The following CELF2 variants were observed in gnomAD, a reference collection of about 807,000 sequenced individuals.
The protein encoded by CELF2 is CUG triplet repeat RNA-binding protein 2.
CELF2 carries 8 observed loss-of-function variants against 62.6 expected under a neutral mutation model. That is an observed-to-expected ratio of 0.13 (90% confidence interval 0.07 to 0.23). The LOEUF (loss-of-function observed/expected upper bound fraction) is 0.23. Among genes scored for constraint, CELF2 ranks in the 10% least tolerant of loss-of-function variants. The probability of loss-of-function intolerance (pLI) is 1.00; values close to 1 mark genes in which losing one functional copy is unlikely to be tolerated. For synonymous variants in CELF2, 258 were observed against 250.0 expected (o/e 1.03, Z -0.30); for missense variants, 333 against 671.0 (o/e 0.50, Z 5.56).
At chr10:11,289,150 G>A (rs1477826713) in intron 9 of CELF2, among the ~76,000 whole-genome samples, 2 of 152,100 alleles carry the variant, frequency 1.3e-5, no homozygotes, top group African/African-American at 2.4e-5. Context: ...GAATGTGGTT[G>A]CTTAGATACC....
At chr10:10,480,419 C>G in the CELF2 span, among the ~76,000 whole-genome samples, 3 of 152,198 alleles carry the variant, frequency 2.0e-5, no homozygotes, top group African/African-American at 7.2e-5. Context: ...AGCCCAAGCT[C>G]TCCTGACCCA....
intron 1 of CELF2, among the ~76,000 whole-genome samples, chr10:10,805,445 G>A (rs1426363226): frequency 6.6e-6 from 1 of 152,024 alleles, no homozygotes; most frequent in African/African-American, 2.4e-5. Context: ...ACTCAGTTAC[G>A]ACTCAGTACT....
At chr10:10,848,701 A>AGG (rs1443854145) in intron 1 of CELF2, among the ~76,000 whole-genome samples, 1 of 152,112 alleles carries the variant, frequency 6.6e-6, no homozygotes, top group Non-Finnish European at 1.5e-5. Flanking sequence ...TCTTTCTCCT[A>AGG]GGCCAGCGTG....
chr10:10,721,008 A>G, the CELF2 span, among the ~76,000 whole-genome samples: 3 of 152,252 alleles, frequency 2.0e-5, no homozygotes, highest in African/African-American at 7.2e-5. Context: ...TTAATAAAAT[A>G]ATTAAGCCAC....
intron 9 of CELF2, among the ~76,000 whole-genome samples, chr10:11,304,989 G>A (rs1565888149): frequency 1.3e-5 from 2 of 152,160 alleles, no homozygotes; most frequent in South Asian, 4.1e-4. Context: ...GGCGCTGTTT[G>A]AACAGAGAGA....
chr10:10,517,267 A>T, the CELF2 span, among the ~76,000 whole-genome samples: 11 of 151,934 alleles, frequency 7.2e-5, no homozygotes, highest in African/African-American at 2.7e-4. Flanking sequence ...GCTGAGGGGG[A>T]ACTGGCCTGA....
the CELF2 span, among the ~76,000 whole-genome samples, chr10:10,558,962 A>G: frequency 2.0e-5 from 3 of 152,200 alleles, no homozygotes; most frequent in Non-Finnish European, 4.4e-5. Context: ...TAGCATAAGA[A>G]TAATATAAGA....
chr10:10,475,555 T>A, the CELF2 span, among the ~76,000 whole-genome samples: 3 of 152,040 alleles, frequency 2.0e-5, no homozygotes, highest in African/African-American at 7.2e-5. Context: ...ACAGGGATAT[T>A]CAATTACATA....
the CELF2 span, among the ~76,000 whole-genome samples, chr10:10,515,091 G>A: frequency 6.6e-6 from 1 of 152,202 alleles, no homozygotes; most frequent in Non-Finnish European, 1.5e-5. Context: ...CCAAATACAA[G>A]AACAAAGCTC....
At chr10:10,507,115 G>C in the CELF2 span, among the ~76,000 whole-genome samples, 1 of 152,110 alleles carries the variant, frequency 6.6e-6, no homozygotes, top group Non-Finnish European at 1.5e-5. Flanking sequence ...AGCGATCGCT[G>C]TCCTAGGTTT....
chr10:10,587,734 A>C, the CELF2 span, among the ~76,000 whole-genome samples: 1 of 152,294 alleles, frequency 6.6e-6, no homozygotes, highest in East Asian at 1.9e-4. Flanking sequence ...TGAGAATTCC[A>C]GCTCAACTCT....
At chr10:10,732,520 C>CTTTTTTTTT in the CELF2 span, among the ~76,000 whole-genome samples, 1 of 110,380 alleles carries the variant, frequency 9.1e-6, no homozygotes, top group Non-Finnish European at 1.9e-5. Flanking sequence ...ACTCACTCTC[C>CTTTTTTTTT]TTTTTTTTTT....
At chr10:10,756,042 C>T in the CELF2 span, among the ~76,000 whole-genome samples, 4 of 152,122 alleles carry the variant, frequency 2.6e-5, no homozygotes, top group African/African-American at 7.2e-5. Flanking sequence ...ATTTCATAGA[C>T]ATAGTATTAG....
Position 11,316,075 on chromosome 10 carries a change from C to T in CELF2, c.1096+1817C>T, listed in dbSNP as rs746306309. ...ATTGCTGAGATTTTCCCATCGTTCT[C>T]GTCAGGGACTGGAGAGGGGCTGTGT... On this transcript the variant is annotated intron_variant, in intron 10 of 12. Coordinates refer to ENST00000633077, the MANE Select transcript of CELF2 (RefSeq NM_001326342.2). The surrounding 1 kb of genome is among the most constrained non-coding windows in gnomAD (Gnocchi z 4.4). Among the ~76,000 whole-genome samples, 4 of 152,206 alleles carry T rather than the reference C, an allele frequency of 2.6e-5. No individual in the cohort carries two copies. Among genetic ancestry groups the T allele is most frequent in the Admixed American group, 6.5e-5 (1 of 15,286 alleles).
the CELF2 span, among the ~76,000 whole-genome samples, chr10:10,614,495 CA>C: frequency 6.6e-6 from 1 of 152,078 alleles, no homozygotes; most frequent in African/African-American, 2.4e-5. Context: ...TTAAACAAAA[CA>C]AAACTAAACT....
chr10:10,682,160 T>C, the CELF2 span, among the ~76,000 whole-genome samples: 2 of 152,088 alleles, frequency 1.3e-5, no homozygotes, highest in South Asian at 4.1e-4. Flanking sequence ...CCGAGTAAAA[T>C]CTTATTTGCG....
At chr10:10,976,866 CT>C (rs760135604) in intron 2 of CELF2, among the ~76,000 whole-genome samples, 8 of 152,192 alleles carry the variant, frequency 5.3e-5, no homozygotes, top group Non-Finnish European at 1.0e-4. Flanking sequence ...CTCTTGTCCC[CT>C]GTCATGTGTC....
chr10:10,746,181 C>T, the CELF2 span, among the ~76,000 whole-genome samples: 1 of 152,176 alleles, frequency 6.6e-6, no homozygotes, highest in African/African-American at 2.4e-5. Context: ...GCTTTTAAAT[C>T]TTGTAGCAGG....
At chr10:10,625,843 G>A in the CELF2 span, among the ~76,000 whole-genome samples, 1 of 152,144 alleles carries the variant, frequency 6.6e-6, no homozygotes, top group Non-Finnish European at 1.5e-5. Flanking sequence ...CTATGCACCA[G>A]CACGATTGCT....
Sources: allele counts gnomAD v4.1 joint callset (sites outside exome capture counted in the v4.1 genomes callset), GRCh38; gene constraint gnomAD v4.1.1; non-coding constraint Gnocchi (gnomAD v3.1); transcripts MANE v1.5; gene names NCBI Gene and HGNC (gene_info 2026-07-23, HGNC 2026-07-21).